Variants in CXorf58 observed in about 807,000 individuals in gnomAD.
The protein encoded by CXorf58 is uncharacterized protein CXorf58.
A neutral mutation model predicts 26.0 loss-of-function variants in CXorf58; 24 were observed. The ratio of observed to expected loss-of-function variants is 0.92; its 90% confidence interval spans 0.67 to 1.30. CXorf58 has a LOEUF of 1.30. Ranked by LOEUF, CXorf58 falls within the 50% of genes most tolerant of loss-of-function variation. CXorf58 has a pLI of 0.00. For synonymous variants in CXorf58, 87 were observed against 86.1 expected (o/e 1.01, Z -0.06); for missense variants, 236 against 263.9 (o/e 0.89, Z 0.73).
At chrX:23,914,345 C>T (rs1471237496) in intron 3 of CXorf58, among the ~76,000 whole-genome samples, 2 of 111,325 alleles carry the variant, frequency 1.8e-5, no homozygotes. Flanking sequence ...TTTGGCCTCC[C>T]AAAGTGCCAG....
chrX:23,909,593 A>G (rs1161095181), intron 1 of CXorf58, among the ~76,000 whole-genome samples: 2 of 111,885 alleles, frequency 1.8e-5, no homozygotes, highest in African/African-American at 3.2e-5. Context: ...CTTAGAAGAG[A>G]TCTGTCCATA....
intron 5 of CXorf58, among the ~76,000 whole-genome samples, chrX:23,918,074 C>T (rs1021518486): frequency 1.8e-5 from 2 of 111,604 alleles, no homozygotes; most frequent in African/African-American, 6.5e-5. Flanking sequence ...AATCTCCTGA[C>T]CTCGAAACCA....
chrX:23,932,035 A>G (rs764054869), intron 6 of CXorf58, among the ~76,000 whole-genome samples: 9 of 112,404 alleles, frequency 8.0e-5, no homozygotes, highest in Non-Finnish European at 1.5e-4. Context: ...GGTGAATTGT[A>G]TGGTATGTGA....
At chrX:23,937,628 C>T (rs1403357877) in intron 7 of CXorf58, among the ~76,000 whole-genome samples, 3 of 109,566 alleles carry the variant, frequency 2.7e-5, no homozygotes, top group Non-Finnish European at 5.7e-5. Context: ...TTTCTCCATG[C>T]TGGTCAGGCT....
chrX:23,917,960 C>A (rs1343671719), intron 5 of CXorf58, among the ~76,000 whole-genome samples: 1 of 111,897 alleles, frequency 8.9e-6, no homozygotes, highest in African/African-American at 3.2e-5. Flanking sequence ...CCTGCCTCAA[C>A]CTCCCGAGTA....
chrX:23,912,346 A>T (rs1394149935), intron 3 of CXorf58, among the ~76,000 whole-genome samples: 3 of 112,026 alleles, frequency 2.7e-5, no homozygotes, highest in Admixed American at 9.5e-5. Flanking sequence ...TGGATTTTTT[A>T]AAATGTGGAT....
intron 1 of CXorf58, among the ~76,000 whole-genome samples, chrX:23,909,466 T>G (rs1162091907): frequency 3.6e-5 from 4 of 112,367 alleles, no homozygotes; most frequent in Non-Finnish European, 7.5e-5. Context: ...GCTCATTTAA[T>G]GCATTAAGAA....
chrX:23,930,196 C>CAAAAAAAAAAA (rs752970734), intron 6 of CXorf58, among the ~76,000 whole-genome samples: 1 of 36,772 alleles, frequency 2.7e-5, no homozygotes, highest in East Asian at 9.2e-4. Flanking sequence ...GACTCTGTCT[C>CAAAAAAAAAAA]AAAAAAAAAA....
At chrX:23,917,356 G>C (rs935181218) in intron 5 of CXorf58, among the ~76,000 whole-genome samples, 10 of 106,821 alleles carry the variant, frequency 9.4e-5, no homozygotes, top group Non-Finnish European at 1.5e-4. Context: ...AAAAAAGAAA[G>C]AAAGAAAATG....
intron 1 of CXorf58, among the ~76,000 whole-genome samples, chrX:23,909,403 AG>A (rs1489733449): frequency 8.9e-6 from 1 of 111,912 alleles, no homozygotes; most frequent in Non-Finnish European, 1.9e-5. Context: ...CAGTCATGTC[AG>A]GGATCTTGAA....
rs181392503 is a variant in CXorf58, at chrX:23,932,040, A to G, written c.556-3156A>G. Among the ~76,000 whole-genome samples the G allele has an allele frequency of 4.3e-3, 489 of 112,459 alleles. 3 individuals carry two copies. The highest frequency in any genetic ancestry group is 7.5e-3 in the Non-Finnish European group (399 of 53,282). On this transcript the variant is annotated intron_variant, in intron 6 of 8. Coordinates refer to ENST00000379211, the MANE Select transcript of CXorf58 (RefSeq NM_152761.3). The stretch of plus-strand genomic sequence containing the variant: ...CACTTTAAATGGTGAATTGTATGGT[A>G]TGTGAACCTCAATAAAGCTGTGAAA...
At chrX:23,914,702 A>G (rs1396115323) in intron 3 of CXorf58, among the ~76,000 whole-genome samples, 2 of 108,178 alleles carry the variant, frequency 1.8e-5, no homozygotes, top group Non-Finnish European at 3.8e-5. Flanking sequence ...CCTGACCAAC[A>G]TGAAGAAACC....
chrX:23,925,611 G>A (rs1053329585), intron 5 of CXorf58, among the ~76,000 whole-genome samples: 2 of 108,921 alleles, frequency 1.8e-5, no homozygotes, highest in Admixed American at 2.0e-4. Context: ...GCCTTCCAAA[G>A]TGCTGAGATT....
intron 5 of CXorf58, among the ~76,000 whole-genome samples, chrX:23,917,063 G>A (rs554012859): frequency 6.5e-5 from 7 of 107,339 alleles, no homozygotes; most frequent in Admixed American, 1.0e-4. Flanking sequence ...AGCCAGGCAC[G>A]GTGGCTCATG....
intron 3 of CXorf58, among the ~76,000 whole-genome samples, chrX:23,914,824 C>T (rs1341683599): frequency 9.3e-6 from 1 of 107,661 alleles, no homozygotes; most frequent in Admixed American, 9.9e-5. Context: ...GTGGAGGTTG[C>T]GGTGAGCCGA....
In CXorf58 at chrX:23,910,355, G is replaced by T. The variant is rs1927541538; in HGVS notation, c.53G>T (p.Arg18Ile). ...AAAGGTATTCTGAAATCAGGTACAA[G>T]ATCCTTACAAAAAGTTCGCAGAGTA... is the stretch of plus-strand genomic sequence containing the variant. ...PRKGILKSGT[R>I]SLQKVRRVHF... Residue 18 changes from arginine to isoleucine, a missense_variant, in exon 2 of 9, where the codon AGA becomes ATA. Physicochemically the swap from Arg to Ile is moderately conservative, Grantham distance 97. Transcript: ENST00000379211. The T allele has an allele frequency of 3.3e-6, 4 of 1,196,856 alleles. No homozygotes were observed. Among genetic ancestry groups the T allele is most frequent in the African/African-American group, 3.5e-5 (2 of 56,898 alleles).
intron 5 of CXorf58, among the ~76,000 whole-genome samples, chrX:23,917,408 A>G (rs1163434837): frequency 5.4e-5 from 6 of 110,093 alleles, no homozygotes; most frequent in Admixed American, 9.7e-5. Context: ...AATTCTCATC[A>G]TACTTATTTA....
chrX:23,937,275 TA>T (rs1167024683), intron 7 of CXorf58, among the ~76,000 whole-genome samples: 1 of 111,434 alleles, frequency 9.0e-6, no homozygotes, highest in African/African-American at 3.3e-5. Flanking sequence ...AACTCAGAAT[TA>T]TCCCACAGGG....
intron 3 of CXorf58, among the ~76,000 whole-genome samples, chrX:23,914,832 C>T (rs1305616590): frequency 9.0e-6 from 1 of 110,673 alleles, no homozygotes; most frequent in East Asian, 2.8e-4. Flanking sequence ...TGCGGTGAGC[C>T]GAGATCATGC....
Sources: allele counts gnomAD v4.1 joint callset (sites outside exome capture counted in the v4.1 genomes callset), GRCh38; gene constraint gnomAD v4.1.1; transcripts MANE v1.5; gene names NCBI Gene and HGNC (gene_info 2026-07-23, HGNC 2026-07-21).